The following SIAE variants were observed in gnomAD, a reference collection of about 807,000 sequenced individuals.
SIAE encodes the protein sialic acid acetylesterase, also known as sialate O-acetylesterase.
SIAE carries 39 observed loss-of-function variants against 52.6 expected under a neutral mutation model. The ratio of observed to expected loss-of-function variants is 0.74; its 90% CI spans 0.57 to 0.97. The LOEUF (loss-of-function observed/expected upper bound fraction) is 0.97, where lower values mean the gene tolerates loss of function less well. Ranked by LOEUF, SIAE falls within the 50% of genes least tolerant of loss-of-function variation. The pLI is 0.00. For missense variants in SIAE, 592 were observed against 662.1 expected (o/e 0.89, Z 1.16); for synonymous variants, 233 against 241.4 (o/e 0.97, Z 0.32).
At chr11:124,654,592 A>G in intron 4 of SIAE, 63 bp downstream of exon 4, 1 of 1,613,510 alleles carries the variant, frequency 6.2e-7, no homozygotes, top group Non-Finnish European at 8.5e-7. Context: ...ATTCAGTCTT[A>G]CAGATTCCAC....
At chr11:124,672,215 T>A in intron 1 of SIAE, among the ~76,000 whole-genome samples, 1 of 152,180 alleles carries the variant, frequency 6.6e-6, no homozygotes, top group Non-Finnish European at 1.5e-5. Flanking sequence ...TTGGATTTTT[T>A]AGGTCTTCAG....
chr11:124,658,795 A>ATGTGTG (rs372409991), intron 3 of SIAE: 1 of 149,934 alleles, frequency 6.7e-6, no homozygotes, highest in Non-Finnish European at 1.5e-5. Context: ...TCGTGTGTGT[A>ATGTGTG]TGTGTGTGTG....
At chr11:124,661,137 T>A (rs1391261048) in intron 2 of SIAE, among the ~76,000 whole-genome samples, 1 of 152,210 alleles carries the variant, frequency 6.6e-6, no homozygotes, top group Admixed American at 6.5e-5. Context: ...TATTATACTA[T>A]CCAGCTGTCA....
At chr11:124,675,196 A>G, upstream of SIAE, 1 of 1,540,322 alleles carries the variant, frequency 6.5e-7, no homozygotes, top group Non-Finnish European at 8.7e-7. Flanking sequence ...TATAAGTAAA[A>G]TCAGACAAAT....
upstream of SIAE, chr11:124,673,933 C>T (rs1591400365): frequency 6.8e-6 from 4 of 586,010 alleles, no homozygotes; most frequent in East Asian, 1.1e-4. Flanking sequence ...ACCGGCGGCA[C>T]CAGCTCGGAG....
intron 7 of SIAE, among the ~76,000 whole-genome samples, chr11:124,644,441 A>G (rs1423924335): frequency 1.3e-5 from 2 of 152,044 alleles, no homozygotes; most frequent in Admixed American, 1.3e-4. Flanking sequence ...TTTTCTCAAA[A>G]TGGCAGTTTG....
At chr11:124,660,493 A>G in intron 3 of SIAE, 135 bp downstream of exon 3, 1 of 828,376 alleles carries the variant, frequency 1.2e-6, no homozygotes, top group South Asian at 1.4e-5. Flanking sequence ...CATTCAAAGC[A>G]TTTAGAACAT....
rs1942650443 is a variant in SIAE at position 124,633,197 on chromosome 11, C to T, written c.*3754G>A. 2 of 152,212 alleles carry T rather than the reference C, an allele frequency of 1.3e-5. No homozygotes were observed. The highest frequency in any genetic ancestry group is 4.1e-4 in the South Asian group (2 of 4,832). The allele number at this position is 152,212 out of a possible 1,614,324, so 9.4% of individuals were successfully genotyped here. ...AGTACACTGAAACCATATGATAACA[C>T]AAATTCACATATAATTGGGGGTTAG... On this transcript the variant is annotated 3_prime_UTR_variant, in exon 10 of 10. Transcript: ENST00000263593.
At chr11:124,654,986 A>G (rs2846571) in intron 3 of SIAE, among the ~76,000 whole-genome samples, 193 bp from the exon 4 acceptor site, 1 of 152,150 alleles carries the variant, frequency 6.6e-6, no homozygotes, top group Non-Finnish European at 1.5e-5. Context: ...TCATGTTCCC[A>G]AAGAGGGTAG....
chr11:124,636,952 CA>C lies in SIAE; in HGVS notation c.1570del (p.Ter524AspfsTer9). ...TAAGTTCTGATCATACTGAAACAGTCATTTAGCAACATTGCTCTGATGTCCA... is the reference window on the plus strand; with the variant it reads ...TAAGTTCTGATCATACTGAAACAGTCTTTAGCAACATTGCTCTGATGTCCA... ...GPGHQSNVAK* is the reference protein window; with the variant it reads ...GPGHQSNVAKX On this transcript the variant is annotated frameshift_variant and stop_lost, in exon 10 of 10. Transcript: ENST00000263593. LOFTEE classifies it high-confidence loss of function. 2.5e-6 allele frequency: 4 copies of C among 1,614,104 alleles called. No homozygotes were observed. Among genetic ancestry groups the C allele is most frequent in the Non-Finnish European group, 3.4e-6 (4 of 1,180,022 alleles).
chr11:124,642,531 T>C (rs577457759), intron 7 of SIAE, among the ~76,000 whole-genome samples: 1 of 151,514 alleles, frequency 6.6e-6, no homozygotes, highest in South Asian at 2.1e-4. Context: ...GAGGAGAGAG[T>C]GTCAGAGTTG....
In SIAE at chr11:124,637,093, G is replaced by A; in HGVS notation, c.1430C>T (p.Ala477Val). 6.2e-7 allele frequency: 1 copy of A among 1,614,162 alleles called. No individual in the cohort carries two copies. Among genetic ancestry groups the A allele is most frequent in the Non-Finnish European group, 8.5e-7 (1 of 1,180,024 alleles). ...AIDSCHGTVV[A>V]LRYAWTTWPC... ...CCACGTGGTCCAAGCATAGCGGAGA[G>A]CAACCACAGTGCCATGACAAGAATC... The change falls in exon 10 of 10, where the codon GCT becomes GTT. Residue 477 changes from alanine (A) to valine (V), a missense_variant. By Grantham distance (64) the Ala-to-Val change is moderately conservative. Transcript: ENST00000263593.
At chr11:124,654,153 G>A in intron 4 of SIAE, 1 of 907,676 alleles carries the variant, frequency 1.1e-6, no homozygotes, top group Non-Finnish European at 1.3e-6. Context: ...ATTCCAGCCT[G>A]AGCGACAGAC....
chr11:124,638,516 C>T (rs1942788391), intron 9 of SIAE, 26 bp downstream of exon 9: 1 of 1,611,290 alleles, frequency 6.2e-7, no homozygotes, highest in East Asian at 2.2e-5. Flanking sequence ...AAAATGAACC[C>T]CTGTTTATTC....
intron 7 of SIAE, among the ~76,000 whole-genome samples, chr11:124,644,523 C>T (rs1284152133): frequency 2.0e-5 from 3 of 152,138 alleles, no homozygotes; most frequent in African/African-American, 4.8e-5. Flanking sequence ...GGGGCACCGG[C>T]GTACTCCACA....
At chr11:124,661,383 T>A (rs1943185423) in intron 2 of SIAE, among the ~76,000 whole-genome samples, 1 of 152,256 alleles carries the variant, frequency 6.6e-6, no homozygotes, top group South Asian at 2.1e-4. Context: ...CATCAAAAAG[T>A]AGTGGGAGGC....
chr11:124,663,152 A>G (rs1438804655), intron 2 of SIAE, among the ~76,000 whole-genome samples: 1 of 152,128 alleles, frequency 6.6e-6, no homozygotes, highest in Non-Finnish European at 1.5e-5. Flanking sequence ...CTCAAAAAAA[A>G]AAAAGTCATG....
At chr11:124,661,427 C>T (rs1018111014) in intron 2 of SIAE, among the ~76,000 whole-genome samples, 4 of 152,132 alleles carry the variant, frequency 2.6e-5, no homozygotes, top group Admixed American at 2.6e-4. Context: ...AAAGATATTC[C>T]AATTTGCCCA....
intron 4 of SIAE, 111 bp from the exon 5 acceptor site, chr11:124,649,907 T>G: frequency 9.9e-7 from 1 of 1,011,250 alleles, no homozygotes; most frequent in Non-Finnish European, 1.5e-6. Flanking sequence ...ATTCTTCTGT[T>G]GTTTTCTAAG....
Sources: allele counts gnomAD v4.1 joint callset (sites outside exome capture counted in the v4.1 genomes callset), GRCh38; gene constraint gnomAD v4.1.1; transcripts MANE v1.5; gene names NCBI Gene and HGNC (gene_info 2026-07-23, HGNC 2026-07-21).